The following DPYD variants were observed in gnomAD, a reference collection of about 807,000 sequenced individuals.
DPYD encodes the protein dihydropyrimidine dehydrogenase [NADP(+)].
A neutral mutation model predicts 116.2 loss-of-function variants in DPYD; 109 were observed. The ratio of observed to expected loss-of-function variants is 0.94; its 90% confidence interval spans 0.80 to 1.10. DPYD has a LOEUF of 1.10. DPYD is among the 50% of genes least tolerant of loss of function. DPYD has a pLI of 0.00. For synonymous variants in DPYD, 440 were observed against 432.0 expected, an observed-to-expected ratio of 1.02 and a Z score of -0.23; for missense variants, 1,302 against 1,254.5, an observed-to-expected ratio of 1.04 and a Z score of -0.57.
intron 2 of DPYD, among the ~76,000 whole-genome samples, chr1:97,834,030 C>T (rs757959464): frequency 6.6e-6 from 1 of 152,012 alleles, no homozygotes; most frequent in Non-Finnish European, 1.5e-5. Context: ...TATGGCCCAA[C>T]GTCTATGTGC....
rs1648989313 is a variant in DPYD at position 97,079,216 on chromosome 1, A to G, written c.2908-70T>C. 4 of 1,545,882 alleles carry G rather than the reference A, an allele frequency of 2.6e-6. No homozygotes were observed. The South Asian group carries it at 4.5e-5, about 17-fold the overall frequency. ...TCAACAATGTCCCCATTTTAGCGTT[A>G]ACATTTTTCTCTGCTGCAGAGGAGC... On this transcript the variant is annotated intron_variant, in intron 22 of 22. Coordinates refer to ENST00000370192, the MANE Select transcript of DPYD (RefSeq NM_000110.4).
intron 13 of DPYD, among the ~76,000 whole-genome samples, chr1:97,489,584 T>C (rs893156288): frequency 6.6e-6 from 1 of 152,222 alleles, no homozygotes; most frequent in Non-Finnish European, 1.5e-5. Flanking sequence ...CCTATGGTTA[T>C]TGTCCTGGTT....
At chr1:97,550,718 G>C (rs1054767054) in intron 11 of DPYD, among the ~76,000 whole-genome samples, 2 of 152,062 alleles carry the variant, frequency 1.3e-5, no homozygotes, top group Admixed American at 6.6e-5. Flanking sequence ...ACTCCAAAGA[G>C]AAAATATTAG....
chr1:97,268,848 A>C (rs1254959745), intron 18 of DPYD, among the ~76,000 whole-genome samples: 1 of 152,182 alleles, frequency 6.6e-6, no homozygotes, highest in Non-Finnish European at 1.5e-5. Context: ...TCTTCTATCC[A>C]TATTAATCTC....
At chr1:97,527,381 C>T (rs971498447) in intron 12 of DPYD, among the ~76,000 whole-genome samples, 2 of 151,994 alleles carry the variant, frequency 1.3e-5, no homozygotes, top group Non-Finnish European at 2.9e-5. Flanking sequence ...CCAGCTGCTG[C>T]CCCCATCTTA....
intron 8 of DPYD, among the ~76,000 whole-genome samples, chr1:97,651,145 T>C (rs1658557422): frequency 6.6e-6 from 1 of 152,160 alleles, no homozygotes; most frequent in African/African-American, 2.4e-5. Context: ...TTTTAATAGT[T>C]GTATATGATA....
In DPYD at chr1:97,174,813, A is replaced by G. The variant is rs1395779470; in HGVS notation, c.2622+18256T>C. On this transcript the variant is annotated intron_variant, in intron 20 of 22. Transcript: ENST00000370192. ...GGATTTATAATATACACACATTTTAAGTATACAGTTACACTTTAGACAAAT... is the reference window on the plus strand; with the variant it reads ...GGATTTATAATATACACACATTTTAGGTATACAGTTACACTTTAGACAAAT... Among the ~76,000 whole-genome samples, 3 of 152,200 alleles carry G rather than the reference A, an allele frequency of 2.0e-5. No individual in the cohort carries two copies. The South Asian group carries it at 6.2e-4, about 31-fold the overall frequency.
intron 20 of DPYD, among the ~76,000 whole-genome samples, chr1:97,104,931 C>T (rs1023087115): frequency 6.6e-6 from 1 of 152,074 alleles, no homozygotes; most frequent in Non-Finnish European, 1.5e-5. Context: ...ATAAGACTTG[C>T]TTTCTGCTAA....
At chr1:97,826,091 A>G (rs1166917078) in intron 3 of DPYD, among the ~76,000 whole-genome samples, 3 of 152,144 alleles carry the variant, frequency 2.0e-5, no homozygotes, top group African/African-American at 7.2e-5. Flanking sequence ...TCATGCCATA[A>G]AATTAAATTC....
chr1:97,216,552 G>A (rs2101883045), intron 19 of DPYD, among the ~76,000 whole-genome samples: 1 of 152,252 alleles, frequency 6.6e-6, no homozygotes, highest in East Asian at 1.9e-4. Context: ...CCAGTACTTT[G>A]GGAGGCCGAG....
In DPYD at chr1:97,590,374, A is replaced by G. The variant is rs1654423775; in HGVS notation, c.1128+2844T>C. Reference sequence around the variant, plus strand: ...GGTATTAGCCCGTGTAATGCTAGAAAGCCTTCGGTGCTGATTCCCTCCAGT... The same window carrying G: ...GGTATTAGCCCGTGTAATGCTAGAAGGCCTTCGGTGCTGATTCCCTCCAGT... On this transcript the variant is annotated intron_variant, in intron 10 of 22. Coordinates refer to ENST00000370192, the MANE Select transcript of DPYD (RefSeq NM_000110.4). 2.6e-5 allele frequency among the ~76,000 whole-genome samples: 4 copies of G among 152,324 alleles called. No individual in the cohort carries two copies. The South Asian group carries it at 8.3e-4, about 32-fold the overall frequency.
At chr1:97,831,788 G>A (rs1433995480) in intron 2 of DPYD, among the ~76,000 whole-genome samples, 1 of 151,574 alleles carries the variant, frequency 6.6e-6, no homozygotes, top group African/African-American at 2.4e-5. Flanking sequence ...GCAAGCAGAA[G>A]AACAAAAATA....
At chr1:97,473,681 T>C (rs1677785405) in intron 13 of DPYD, among the ~76,000 whole-genome samples, 1 of 152,110 alleles carries the variant, frequency 6.6e-6, no homozygotes, top group South Asian at 2.1e-4. Context: ...CATACACTAT[T>C]GGCAGTAATA....
chr1:97,861,116 C>CTTACTTACTACGGG, intron 2 of DPYD, among the ~76,000 whole-genome samples: 1 of 151,812 alleles, frequency 6.6e-6, no homozygotes, highest in Admixed American at 6.6e-5. Flanking sequence ...GATCATTTCT[C>CTTACTTACTACGGG]AAAATACACC....
At chr1:97,290,330 A>G (rs1193465664) in intron 18 of DPYD, among the ~76,000 whole-genome samples, 2 of 151,650 alleles carry the variant, frequency 1.3e-5, no homozygotes, top group African/African-American at 4.9e-5. Context: ...AATTGGAAAA[A>G]ACTACTTTAA....
At chr1:97,745,171 CTT>C (rs1184781288) in intron 3 of DPYD, among the ~76,000 whole-genome samples, 6 of 152,064 alleles carry the variant, frequency 3.9e-5, no homozygotes, top group African/African-American at 1.4e-4. Flanking sequence ...CTGGAACTAA[CTT>C]TGAATATTCT....
chr1:97,323,721 C>T (rs909779986), intron 16 of DPYD, among the ~76,000 whole-genome samples: 13 of 145,892 alleles, frequency 8.9e-5, no homozygotes, highest in African/African-American at 2.3e-4. Flanking sequence ...TACACACACA[C>T]ATATATATAC....
At position 97,098,557 on chromosome 1, in the gene DPYD, G is replaced by A; in HGVS notation, c.2698C>T (p.Gln900Ter). Residue 900 changes from glutamine (Q) to a stop codon, truncating the protein, a stop_gained, in exon 21 of 23, where the codon CAA becomes TAA. Transcript: ENST00000370192. LOFTEE classifies it high-confidence loss of function. The stretch of plus-strand genomic sequence containing the variant: ...TTAAGTGGTGAAAAAGCTACATTTT[G>A]TTCTTTCAGTCTAATCTTGTTTTCT... The part of the protein sequence containing the change: ...IAENKIRLKE[Q>*]NVAFSPLKRN... 6.2e-7 allele frequency: 1 copy of A among 1,613,174 alleles called. No homozygotes were observed. The highest frequency in any genetic ancestry group is 8.5e-7 in the Non-Finnish European group (1 of 1,179,502).
intron 12 of DPYD, among the ~76,000 whole-genome samples, chr1:97,539,855 C>G (rs1650294481): frequency 6.6e-6 from 1 of 152,068 alleles, no homozygotes; most frequent in Non-Finnish European, 1.5e-5. Flanking sequence ...TTCTCAGTGG[C>G]AGGACAAAAC....
Sources: gnomAD v4.1 joint callset for allele counts (sites outside exome capture counted in the v4.1 genomes callset) on GRCh38, gnomAD v4.1.1 for gene constraint, MANE v1.5 for transcripts, NCBI Gene and HGNC (gene_info 2026-07-23, HGNC 2026-07-21) for gene names.